The following KAT2B variants were observed in gnomAD, a reference collection of about 807,000 sequenced individuals.
The protein encoded by KAT2B is histone acetyltransferase KAT2B.
Under a neutral mutation model 105.9 loss-of-function variants are expected in KAT2B, and 36 were observed. That is an observed-to-expected ratio of 0.34 (90% CI 0.26 to 0.45). KAT2B has a LOEUF of 0.45. KAT2B is among the 20% of genes least tolerant of loss of function. The pLI is 1.00. For missense variants in KAT2B, 820 were observed against 1,021.6 expected (o/e 0.80, Z 2.69); for synonymous variants, 397 against 377.9 (o/e 1.05, Z -0.59).
At chr3:20,108,514 T>C (rs559464906) in intron 5 of KAT2B, among the ~76,000 whole-genome samples, 27 of 152,380 alleles carry the variant, frequency 1.8e-4, no homozygotes, top group Non-Finnish European at 3.2e-4. Context: ...AGTAGTCCTT[T>C]AAGATTATGC....
At chr3:20,105,295 T>A (rs1288118737) in intron 5 of KAT2B, among the ~76,000 whole-genome samples, 1 of 152,236 alleles carries the variant, frequency 6.6e-6, no homozygotes, top group African/African-American at 2.4e-5. Flanking sequence ...CTGAATTTCA[T>A]GATAGTACAC....
rs527883816 is a variant in KAT2B at position 20,053,772 on chromosome 3, A to G, written c.303+12992A>G. ...GACTTTCTTTAATTGTTCCTTTACC[A>G]TTTAGGCTTATTTTTTATTTATTTT... On this transcript the variant is annotated intron_variant, in intron 1 of 17. Transcript: ENST00000263754. Among the ~76,000 whole-genome samples, 135 of 152,070 alleles carry G rather than the reference A, an allele frequency of 8.9e-4. 1 individual carries two copies. The highest frequency in any genetic ancestry group is 3.2e-3 in the African/African-American group (134 of 41,502).
intron 2 of KAT2B, among the ~76,000 whole-genome samples, chr3:20,074,028 A>G (rs762909661): frequency 6.6e-6 from 1 of 152,174 alleles, no homozygotes; most frequent in South Asian, 2.1e-4. Context: ...TTCCTTTTTT[A>G]TTTCTTACCA....
intron 2 of KAT2B, among the ~76,000 whole-genome samples, chr3:20,084,033 T>A (rs1052258535): frequency 3.3e-5 from 5 of 152,132 alleles, no homozygotes; most frequent in Admixed American, 3.3e-4. Flanking sequence ...TCCTCAGAGA[T>A]TGAGTTAGGT....
At chr3:20,142,865 A>G (rs1298937231) in intron 13 of KAT2B, among the ~76,000 whole-genome samples, 1 of 139,666 alleles carries the variant, frequency 7.2e-6, no homozygotes, top group Non-Finnish European at 1.7e-5. Context: ...ATGAGCAAGC[A>G]TAATTGGGTA....
chr3:20,116,820 G>C (rs955261966), intron 7 of KAT2B, among the ~76,000 whole-genome samples: 1 of 152,168 alleles, frequency 6.6e-6, no homozygotes, highest in Non-Finnish European at 1.5e-5. Context: ...GAAGCTCAGG[G>C]AGGAGCAACA....
At chr3:20,151,263 A>C (rs1699865282) in intron 17 of KAT2B, among the ~76,000 whole-genome samples, 1 of 152,188 alleles carries the variant, frequency 6.6e-6, no homozygotes, top group Non-Finnish European at 1.5e-5. Flanking sequence ...TTCTTCTTTG[A>C]TGCTTTTGTG....
intron 17 of KAT2B, among the ~76,000 whole-genome samples, chr3:20,151,938 T>C (rs1172474786): frequency 2.6e-5 from 4 of 152,152 alleles, no homozygotes; most frequent in African/African-American, 7.2e-5. Flanking sequence ...AATTAAATGA[T>C]TGAATACAAA....
In KAT2B at chr3:20,139,059, A is replaced by ATTT. The variant is rs11391032; in HGVS notation, c.1861-1152_1861-1150dup. ...CAGGTGCATGCCACCATGCCCAGCA[A>ATTT]TTTTTTTTTTTTAATCATTTGTAGA... On this transcript the variant is annotated intron_variant, in intron 12 of 17. Coordinates refer to ENST00000263754, the MANE Select transcript of KAT2B (RefSeq NM_003884.5). Among the ~76,000 whole-genome samples the ATTT allele has an allele frequency of 4.1e-5, 6 of 147,116 alleles. No homozygotes were observed. In the East Asian group the frequency reaches 6.0e-4, roughly 15 times the overall value.
chr3:20,092,235 AT>A (rs1553588258), intron 2 of KAT2B, among the ~76,000 whole-genome samples: 3 of 103,610 alleles, frequency 2.9e-5, no homozygotes, highest in Admixed American at 1.8e-4. Context: ...TTATTTATTT[AT>A]TTATTTATTT....
Position 20,154,150 on chromosome 3 carries a change from A to G in KAT2B, c.*1625A>G, listed in dbSNP as rs1699911830. 1 of 152,558 alleles carries G rather than the reference A, an allele frequency of 6.6e-6. No individual in the cohort carries two copies. Among genetic ancestry groups the G allele is most frequent in the Non-Finnish European group, 1.5e-5 (1 of 68,008 alleles). 9.5% of individuals were successfully genotyped at this position (152,558 alleles called of 1,614,324 possible). ...ATCTGTCCAGCTGGTATCCTGTGAA[A>G]GTTTGTTATTTTCTGAGTAGACATT... On this transcript the variant is annotated 3_prime_UTR_variant, in exon 18 of 18. Transcript: ENST00000263754.
intron 11 of KAT2B, among the ~76,000 whole-genome samples, chr3:20,132,533 G>C (rs1699528988): frequency 6.6e-6 from 1 of 152,226 alleles, no homozygotes; most frequent in African/African-American, 2.4e-5. Flanking sequence ...ACAAACAAGG[G>C]GAAATAGGTC....
intron 7 of KAT2B, 82 bp from the exon 8 acceptor site, chr3:20,119,516 G>T (rs1699268631): frequency 1.4e-6 from 2 of 1,457,408 alleles, no homozygotes; most frequent in Non-Finnish European, 1.9e-6. Flanking sequence ...CAGGAGTGGG[G>T]TGGTCCCATG....
At chr3:20,045,621 GAAAC>G (rs1478064777) in intron 1 of KAT2B, among the ~76,000 whole-genome samples, 1 of 152,092 alleles carries the variant, frequency 6.6e-6, no homozygotes, top group African/African-American at 2.4e-5. Context: ...CTTCAAAAGA[GAAAC>G]AAAACCCATT....
At position 20,099,816 on chromosome 3, in the gene KAT2B, A is replaced by G. The variant is rs62243131; in HGVS notation, c.577-46A>G. On this transcript the variant is annotated intron_variant, in intron 3 of 17. Transcript: ENST00000263754. Reference sequence around the variant, plus strand: ...AGAGAGAGGAGAGAGAGATAGACATACCAATTAAGTTTTTCTTTTTCTTTT... The same window carrying G: ...AGAGAGAGGAGAGAGAGATAGACATGCCAATTAAGTTTTTCTTTTTCTTTT... 191,152 of 962,752 alleles carry G rather than the reference A, an allele frequency of 0.2. 20,965 individuals are homozygous for G. The highest frequency in any genetic ancestry group is 0.28 in the African/African-American group (17,129 of 61,100). The allele number at this position is 962,752 out of a possible 1,614,324, so 59.6% of individuals were successfully genotyped here. A position where few individuals can be genotyped will look rare whatever the true frequency, so the allele number is the denominator to read the frequency against.
chr3:20,136,054 T>C (rs1458833969), intron 11 of KAT2B, among the ~76,000 whole-genome samples: 2 of 152,190 alleles, frequency 1.3e-5, no homozygotes, highest in Admixed American at 6.5e-5. Flanking sequence ...GGGGGTTAGA[T>C]AGAATGACTT....
At chr3:20,147,124 G>A (rs2125197508) in intron 14 of KAT2B, among the ~76,000 whole-genome samples, 1 of 152,140 alleles carries the variant, frequency 6.6e-6, no homozygotes, top group African/African-American at 2.4e-5. Context: ...TCAAATCCAG[G>A]TTCTTTTTAG....
intron 6 of KAT2B, 85 bp downstream of exon 6, chr3:20,111,872 G>T (rs1699127936): frequency 9.5e-7 from 1 of 1,054,046 alleles, no homozygotes; most frequent in East Asian, 2.5e-5. Context: ...TAAATAACAA[G>T]ATCGGAAATG....
intron 13 of KAT2B, among the ~76,000 whole-genome samples, chr3:20,141,010 A>G (rs1699686727): frequency 6.6e-6 from 1 of 152,112 alleles, no homozygotes; most frequent in Admixed American, 6.5e-5. Context: ...CAAATACTCC[A>G]AGTGCATCTA....
Sources: gnomAD v4.1 joint callset for allele counts (sites outside exome capture counted in the v4.1 genomes callset) on GRCh38, gnomAD v4.1.1 for gene constraint, MANE v1.5 for transcripts, NCBI Gene and HGNC (gene_info 2026-07-23, HGNC 2026-07-21) for gene names.